Variants in HYDIN observed in about 807,000 individuals in gnomAD.
HYDIN encodes the protein HYDIN axonemal central pair apparatus protein.
A neutral mutation model predicts 403.9 loss-of-function variants in HYDIN; 132 were observed. The observed-to-expected ratio is 0.33, with a 90% confidence interval of 0.28 to 0.38. HYDIN has a LOEUF of 0.38. Among genes scored for constraint, HYDIN ranks in the 10% least tolerant of loss-of-function variants. HYDIN has a pLI of 1.00. For missense variants in HYDIN, 2,827 were observed against 5,009.5 expected, an observed-to-expected ratio of 0.56 and a Z score of 13.15; for synonymous variants, 1,202 against 1,891.7, an observed-to-expected ratio of 0.64 and a Z score of 9.46.
At chr16:71,198,139 G>A (rs2087799096) in intron 1 of HYDIN, among the ~76,000 whole-genome samples, 1 of 152,150 alleles carries the variant, frequency 6.6e-6, no homozygotes. Flanking sequence ...CACATATTAT[G>A]TACGTTTTGT....
chr16:71,054,474 G>A (rs2081798089), intron 18 of HYDIN, among the ~76,000 whole-genome samples: 1 of 152,084 alleles, frequency 6.6e-6, no homozygotes, highest in Non-Finnish European at 1.5e-5. Flanking sequence ...TATTAGAAAT[G>A]TCTGTAGCAT....
At chr16:70,977,980 G>C (rs1355262724) in intron 30 of HYDIN, among the ~76,000 whole-genome samples, 8 of 151,724 alleles carry the variant, frequency 5.3e-5, no homozygotes, top group Admixed American at 5.2e-4. Context: ...ATGATCATCT[G>C]ATGACTCTCA....
chr16:71,063,828 G>A (rs1224646537), intron 16 of HYDIN, among the ~76,000 whole-genome samples: 3 of 151,914 alleles, frequency 2.0e-5, no homozygotes, highest in Admixed American at 6.6e-5. Context: ...CTGCGAACAT[G>A]GTGCTTTTTC....
chr16:71,179,973 A>G, intron 3 of HYDIN, among the ~76,000 whole-genome samples: 1 of 152,244 alleles, frequency 6.6e-6, no homozygotes, highest in East Asian at 1.9e-4. Context: ...CCATCTTAAT[A>G]AGTTAGAATA....
At chr16:71,081,463 T>C (rs1316863601) in intron 12 of HYDIN, among the ~76,000 whole-genome samples, 3 of 151,984 alleles carry the variant, frequency 2.0e-5, no homozygotes, top group Non-Finnish European at 2.9e-5. Flanking sequence ...CGACAGGCTA[T>C]ATGCTTCACT....
In HYDIN at chr16:70,807,293, T is replaced by G. The variant is rs181205257; in HGVS notation, c.*287A>C. Reference sequence around the variant, plus strand: ...TGTGCCTTCTTGATAAAAATGGGAATTATTACAAAGTACTTGAGCTTTGGG... The same window carrying G: ...TGTGCCTTCTTGATAAAAATGGGAAGTATTACAAAGTACTTGAGCTTTGGG... On this transcript the variant is annotated 3_prime_UTR_variant, in exon 86 of 86. Transcript: ENST00000393567. The G allele has an allele frequency of 3.6e-4, 126 of 349,122 alleles. No individual in the cohort carries two copies. The highest frequency in any genetic ancestry group is 2.2e-3 in the African/African-American group (107 of 48,252). The allele number at this position is 349,122 out of a possible 1,614,324, so 21.6% of individuals were successfully genotyped here.
At chr16:70,812,756 A>G (rs188964141) in intron 84 of HYDIN, among the ~76,000 whole-genome samples, 4 of 152,302 alleles carry the variant, frequency 2.6e-5, no homozygotes, top group Admixed American at 2.0e-4. Context: ...GGAAATCTCA[A>G]TATTGTAAAG....
intron 1 of HYDIN, among the ~76,000 whole-genome samples, chr16:71,212,170 A>C (rs1310033466): frequency 6.6e-6 from 1 of 152,206 alleles, no homozygotes; most frequent in Non-Finnish European, 1.5e-5. Context: ...AAAAATATGA[A>C]TATGGATTGT....
chr16:70,834,911 C>T (rs1185590700), intron 78 of HYDIN, among the ~76,000 whole-genome samples: 13 of 143,352 alleles, frequency 9.1e-5, no homozygotes, highest in Admixed American at 1.4e-4. Flanking sequence ...TACACACACA[C>T]ATATATACAC....
In HYDIN at chr16:71,069,387, C is replaced by T. The variant is rs750944224; in HGVS notation, c.1854G>A (p.Gln618=). The change falls in exon 14 of 86, where the codon CAG becomes CAA. Residue 618 remains glutamine (Q), a synonymous_variant. Transcript: ENST00000393567. ...LGHKSISYCE[Q]HVDYKRPSWT... Reference sequence around the variant, plus strand: ...AAGATGGTCTTTTGTAGTCCACATGCTGCTCACAATATGAAATGCTTTTAT... The same window carrying T: ...AAGATGGTCTTTTGTAGTCCACATGTTGCTCACAATATGAAATGCTTTTAT... 84 of 1,614,088 alleles carry T rather than the reference C, an allele frequency of 5.2e-5. No homozygotes were observed. The highest frequency in any genetic ancestry group is 4.9e-5 in the Non-Finnish European group (58 of 1,180,034).
chr16:71,098,744 A>AAG (rs2083363976), intron 10 of HYDIN, among the ~76,000 whole-genome samples: 1 of 151,280 alleles, frequency 6.6e-6, no homozygotes, highest in African/African-American at 2.4e-5. Context: ...AAAAAAAAAA[A>AAG]AAAAAAAAAA....
chr16:71,057,149 T>C (rs2081925394), intron 18 of HYDIN, among the ~76,000 whole-genome samples: 1 of 119,138 alleles, frequency 8.4e-6, no homozygotes, highest in Non-Finnish European at 1.7e-5. Flanking sequence ...GAAGCAACAC[T>C]TCCTAAGCAG....
intron 18 of HYDIN, among the ~76,000 whole-genome samples, chr16:71,049,138 G>A (rs1486481335): frequency 1.3e-5 from 2 of 152,258 alleles, no homozygotes; most frequent in Admixed American, 6.5e-5. Context: ...AGAGAGGCCC[G>A]AACCTACAGA....
intron 9 of HYDIN, among the ~76,000 whole-genome samples, chr16:71,120,661 C>G (rs2084222177): frequency 6.6e-6 from 1 of 151,316 alleles, no homozygotes; most frequent in African/African-American, 2.4e-5. Flanking sequence ...AATTGCCTTC[C>G]TTCCCCTCTA....
intron 47 of HYDIN, among the ~76,000 whole-genome samples, chr16:70,913,325 T>C (rs964163865): frequency 1.3e-5 from 2 of 152,172 alleles, no homozygotes; most frequent in African/African-American, 2.4e-5. Context: ...GAGGTTTTGA[T>C]AGGTTGTGTC....
At chr16:70,839,432 C>A (rs1167225415) in intron 76 of HYDIN, among the ~76,000 whole-genome samples, 1 of 148,490 alleles carries the variant, frequency 6.7e-6, no homozygotes, top group African/African-American at 2.6e-5. Context: ...AAAATCAGTT[C>A]TTTAGTTTCG....
At chr16:70,830,913 G>T (rs1042833582) in intron 80 of HYDIN, among the ~76,000 whole-genome samples, 1 of 151,900 alleles carries the variant, frequency 6.6e-6, no homozygotes, top group African/African-American at 2.4e-5. Flanking sequence ...AAGAGTCCAG[G>T]CTGCAGATAA....
rs1489241692 is a variant in HYDIN, at chr16:71,230,717, C to T, written c.-179G>A. 2 of 1,535,950 alleles carry T rather than the reference C, an allele frequency of 1.3e-6. No individual in the cohort carries two copies. Among genetic ancestry groups the T allele is most frequent in the South Asian group, 2.4e-5 (2 of 84,048 alleles). On this transcript the variant is annotated 5_prime_UTR_variant, in exon 1 of 86. Coordinates refer to ENST00000393567, the MANE Select transcript of HYDIN (RefSeq NM_001270974.2). ...CGCCCGAGCTGTTGCCGTCCGTTGC[C>T]ACGGTAACCACGGAGCCGCACAGCC...
chr16:71,039,463 G>C (rs2081210448), intron 18 of HYDIN, among the ~76,000 whole-genome samples: 1 of 152,142 alleles, frequency 6.6e-6, no homozygotes, highest in Non-Finnish European at 1.5e-5. Context: ...CGGAACCTGT[G>C]GCCCAAAGTG....
Sources: allele counts gnomAD v4.1 joint callset (sites outside exome capture counted in the v4.1 genomes callset), GRCh38; gene constraint gnomAD v4.1.1; transcripts MANE v1.5; gene names NCBI Gene and HGNC (gene_info 2026-07-23, HGNC 2026-07-21).